Variants in MCC observed in about 807,000 individuals in gnomAD.
The protein encoded by MCC is MCC regulator of Wnt signaling pathway.
A neutral mutation model predicts 116.2 loss-of-function variants in MCC; 90 were observed. The ratio of observed to expected loss-of-function variants is 0.77; its 90% CI spans 0.65 to 0.92. The LOEUF (loss-of-function observed/expected upper bound fraction) is 0.92, where lower values mean the gene tolerates loss of function less well. Ranked by LOEUF, MCC falls within the 40% of genes least tolerant of loss-of-function variation. The probability of loss-of-function intolerance (pLI) is 0.00; values close to 1 mark genes in which losing one functional copy is unlikely to be tolerated. For missense variants in MCC, 1,516 were observed against 1,312.2 expected (o/e 1.16, Z -2.40); for synonymous variants, 578 against 510.5 (o/e 1.13, Z -1.78).
chr5:113,109,509 G>C (rs190426907), intron 6 of MCC, among the ~76,000 whole-genome samples: 2 of 152,226 alleles, frequency 1.3e-5, no homozygotes, highest in African/African-American at 2.4e-5. Flanking sequence ...AGAATAGGGA[G>C]TTATTGCTTA....
rs1755038959 is a variant in MCC at position 113,084,094 on chromosome 5, C to T, written c.1635+7G>A. On this transcript the variant is annotated splice_region_variant and intron_variant, in intron 10 of 18. Coordinates refer to ENST00000408903, the MANE Select transcript of MCC (RefSeq NM_001085377.2). ...ACTTTCTTGCCTTGCTTCTCATGAA[C>T]ACTCACCCCTATGCTACTGATTTCT... 1.2e-6 allele frequency: 2 copies of T among 1,612,944 alleles called. No individual in the cohort carries two copies. The highest frequency in any genetic ancestry group is 2.7e-5 in the African/African-American group (2 of 74,896).
At chr5:113,138,972 CAAGTA>C (rs902115018) in intron 5 of MCC, among the ~76,000 whole-genome samples, 3 of 152,152 alleles carry the variant, frequency 2.0e-5, no homozygotes, top group Non-Finnish European at 2.9e-5. Flanking sequence ...ATTGTGATGA[CAAGTA>C]AAGTCTCTGT....
chr5:113,041,657 C>G (rs1305270917), intron 17 of MCC, among the ~76,000 whole-genome samples: 1 of 152,088 alleles, frequency 6.6e-6, no homozygotes, highest in Non-Finnish European at 1.5e-5. Context: ...AAGGACCTGG[C>G]TACATTTTCT....
chr5:113,191,176 G>A (rs1408482268), intron 3 of MCC, among the ~76,000 whole-genome samples: 1 of 152,196 alleles, frequency 6.6e-6, no homozygotes, highest in Admixed American at 6.5e-5. Flanking sequence ...ACCTGCCTTT[G>A]CTCCTGGTCT....
intron 3 of MCC, among the ~76,000 whole-genome samples, chr5:113,325,752 A>G (rs1767536051): frequency 6.6e-6 from 1 of 152,184 alleles, no homozygotes; most frequent in Non-Finnish European, 1.5e-5. Flanking sequence ...TTCTAAAAAG[A>G]GTCACTTTAC....
intron 1 of MCC, among the ~76,000 whole-genome samples, chr5:113,427,239 T>G (rs927563452): frequency 3.3e-5 from 5 of 152,174 alleles, no homozygotes; most frequent in African/African-American, 1.2e-4. Context: ...ATTGCTTACT[T>G]TGAAAAAGCT....
intron 3 of MCC, among the ~76,000 whole-genome samples, chr5:113,240,206 G>C (rs902810520): frequency 6.6e-5 from 10 of 152,212 alleles, no homozygotes; most frequent in Non-Finnish European, 1.3e-4. Context: ...CTCCCCAGCA[G>C]AGTAGTTGGC....
chr5:113,038,116 AGGGAG>A (rs1751441634), intron 17 of MCC, among the ~76,000 whole-genome samples: 1 of 152,208 alleles, frequency 6.6e-6, no homozygotes, highest in Non-Finnish European at 1.5e-5. Flanking sequence ...GACGAGAGGT[AGGGAG>A]GGGAGACTTA....
At chr5:113,279,032 A>G (rs1765934795) in intron 3 of MCC, among the ~76,000 whole-genome samples, 1 of 152,236 alleles carries the variant, frequency 6.6e-6, no homozygotes, top group South Asian at 2.1e-4. Flanking sequence ...AAGAATATAA[A>G]GGGAAAAGCC....
chr5:113,273,811 C>G (rs372047015), intron 3 of MCC, among the ~76,000 whole-genome samples: 2 of 151,668 alleles, frequency 1.3e-5, no homozygotes, highest in South Asian at 2.1e-4. Flanking sequence ...CCATATTAGA[C>G]GGGATGAGAA....
intron 3 of MCC, among the ~76,000 whole-genome samples, chr5:113,252,671 C>T (rs1337061884): frequency 6.6e-6 from 1 of 152,116 alleles, no homozygotes; most frequent in Non-Finnish European, 1.5e-5. Context: ...ATCCCCTACC[C>T]ACTCCACCAC....
chr5:113,387,618 T>C (rs1769293614), intron 1 of MCC, among the ~76,000 whole-genome samples: 1 of 152,226 alleles, frequency 6.6e-6, no homozygotes. Context: ...ACATTAATAT[T>C]CTCTGATTGG....
At chr5:113,140,252 C>G (rs1309912264) in intron 5 of MCC, among the ~76,000 whole-genome samples, 1 of 152,068 alleles carries the variant, frequency 6.6e-6, no homozygotes, top group East Asian at 1.9e-4. Flanking sequence ...CCACCTCCTA[C>G]CTGGGATGAA....
intron 3 of MCC, among the ~76,000 whole-genome samples, chr5:113,331,609 TTTTTGTTTG>T (rs887583906): frequency 4.1e-5 from 4 of 96,446 alleles, no homozygotes; most frequent in Non-Finnish European, 6.0e-5. Flanking sequence ...ATGATCTGCT[TTTTTGTTTG>T]TTTTGTTTTG....
intron 1 of MCC, among the ~76,000 whole-genome samples, chr5:113,449,225 A>G (rs1303133512): frequency 2.6e-5 from 4 of 152,250 alleles, no homozygotes; most frequent in African/African-American, 9.6e-5. Flanking sequence ...AAGTGAAAGA[A>G]AAACAACTAA....
chr5:113,131,117 G>T (rs1196533052), intron 5 of MCC, among the ~76,000 whole-genome samples: 1 of 152,212 alleles, frequency 6.6e-6, no homozygotes, highest in African/African-American at 2.4e-5. Context: ...GAGCAAAGGG[G>T]AGATGAAGCA....
chr5:113,254,832 G>C (rs966850835), intron 3 of MCC, among the ~76,000 whole-genome samples: 1 of 152,122 alleles, frequency 6.6e-6, no homozygotes, highest in Non-Finnish European at 1.5e-5. Flanking sequence ...TTAGTTCCCT[G>C]AGTAAACCTC....
chr5:113,051,340 G>C (rs1167853901), intron 15 of MCC, among the ~76,000 whole-genome samples: 1 of 152,158 alleles, frequency 6.6e-6, no homozygotes, highest in Non-Finnish European at 1.5e-5. Context: ...TTTACAAGAA[G>C]CAGAAATAAC....
chr5:113,165,518 G>T (rs929298357), intron 3 of MCC, among the ~76,000 whole-genome samples: 1 of 152,112 alleles, frequency 6.6e-6, no homozygotes, highest in African/African-American at 2.4e-5. Context: ...CTGCAGATGG[G>T]ATAGCTAAGG....
Sources: allele counts gnomAD v4.1 joint callset (sites outside exome capture counted in the v4.1 genomes callset), GRCh38; gene constraint gnomAD v4.1.1; transcripts MANE v1.5; gene names NCBI Gene and HGNC (gene_info 2026-07-23, HGNC 2026-07-21).